The following HTD2 variants were observed in gnomAD, a reference collection of about 807,000 sequenced individuals.
HTD2 encodes hydroxyacyl-thioester dehydratase type 2.
In HTD2, 1 loss-of-function variant was observed where a neutral mutation model predicts 3.1. The observed-to-expected ratio is 0.32, with a 90% CI of 0.11 to 1.52. The LOEUF (loss-of-function observed/expected upper bound fraction) is 1.52, where lower values mean the gene tolerates loss of function less well. Ranked by LOEUF, HTD2 falls within the 40% of genes most tolerant of loss-of-function variation. The probability of loss-of-function intolerance (pLI) is 0.39; values close to 1 mark genes in which losing one functional copy is unlikely to be tolerated. For synonymous variants in HTD2, 50 were observed against 28.9 expected (o/e 1.73, Z -2.34); for missense variants, 150 against 79.6 (o/e 1.88, Z -3.36).
At chr3:58,316,336 G>A (rs975035589) in intron 2 of HTD2, among the ~76,000 whole-genome samples, 179 bp from the exon 3 acceptor site, 1 of 152,240 alleles carries the variant, frequency 6.6e-6, no homozygotes, top group Non-Finnish European at 1.5e-5. Flanking sequence ...ATGAAGAGGT[G>A]TAGGCAGAAC....
intron 1 of HTD2, among the ~76,000 whole-genome samples, chr3:58,306,859 G>A (rs2097475618): frequency 6.6e-6 from 1 of 152,164 alleles, no homozygotes; most frequent in Non-Finnish European, 1.5e-5. Context: ...GGGGTGGGGA[G>A]GGGAAGTACA....
chr3:58,309,027 C>T (rs139845307), intron 1 of HTD2, among the ~76,000 whole-genome samples: 2 of 152,330 alleles, frequency 1.3e-5, no homozygotes, highest in Non-Finnish European at 2.9e-5. Flanking sequence ...TTCCAGGAAT[C>T]CCTCTTCTCA....
At chr3:58,309,142 C>A (rs891891584) in intron 1 of HTD2, among the ~76,000 whole-genome samples, 3 of 152,208 alleles carry the variant, frequency 2.0e-5, no homozygotes, top group African/African-American at 7.2e-5. Flanking sequence ...GGCAGAACGA[C>A]CATCCCTCAT....
chr3:58,312,075 G>A (rs144272552), intron 2 of HTD2, among the ~76,000 whole-genome samples: 3 of 151,830 alleles, frequency 2.0e-5, no homozygotes, highest in African/African-American at 7.2e-5. Context: ...ATGTTGCCCA[G>A]GCTCCTGGAC....
rs2097492997 is a variant in HTD2, at chr3:58,320,135, A to G, written c.*2015A>G. The G allele has an allele frequency of 6.6e-6, 1 of 152,146 alleles. No homozygotes were observed. The highest frequency in any genetic ancestry group is 2.4e-5 in the African/African-American group (1 of 41,428). The allele number at this position is 152,146 out of a possible 1,614,324, so 9.4% of individuals were successfully genotyped here. A position where few individuals can be genotyped will look rare whatever the true frequency, so the allele number is the denominator to read the frequency against. On this transcript the variant is annotated 3_prime_UTR_variant, in exon 5 of 5. Transcript: ENST00000461393. ...TTTCAGGGTTCATCCATGTTACAGC[A>G]TGTATCAGTACATCATTTTATTTTA...
intron 1 of HTD2, among the ~76,000 whole-genome samples, chr3:58,309,749 G>A (rs554181045): frequency 2.6e-5 from 4 of 152,130 alleles, no homozygotes; most frequent in East Asian, 1.9e-4. Flanking sequence ...AAAGGTAGCC[G>A]GGCGTGGTAG....
rs1045927264 is a variant in HTD2, at chr3:58,310,376, C to T, written c.-415-131C>T. On this transcript the variant is annotated intron_variant, in intron 1 of 4. Transcript: ENST00000461393. The stretch of plus-strand genomic sequence containing the variant: ...TATGAAAGAGTAGTTTACAAAAACC[C>T]TTCCGAGTACCACTACATGAAAGTC... 7.4e-6 allele frequency: 12 copies of T among 1,614,044 alleles called. No individual in the cohort carries two copies. The Admixed American group carries it at 1.2e-4, about 16-fold the overall frequency.
In HTD2 at chr3:58,319,353, G is replaced by A. The variant is rs2097492033; in HGVS notation, c.*1233G>A. The A allele has an allele frequency of 6.6e-6, 1 of 152,190 alleles. No homozygotes were observed. Among genetic ancestry groups the A allele is most frequent in the Admixed American group, 6.5e-5 (1 of 15,272 alleles). 9.4% of individuals were successfully genotyped at this position (152,190 alleles called of 1,614,324 possible). On this transcript the variant is annotated 3_prime_UTR_variant, in exon 5 of 5. Transcript: ENST00000461393. ...GTAAAATAGTGGTAGCACATGCCAT[G>A]TGGGATAGTTGGTGGAGATGATAGA... is the stretch of plus-strand genomic sequence containing the variant.
intron 2 of HTD2, among the ~76,000 whole-genome samples, chr3:58,311,562 TGCAA>T (rs2097482260): frequency 6.6e-6 from 1 of 152,246 alleles, no homozygotes; most frequent in Non-Finnish European, 1.5e-5. Flanking sequence ...TTCATGATGC[TGCAA>T]ATGACAGAAT....
chr3:58,313,876 A>G (rs1471193926), intron 2 of HTD2, among the ~76,000 whole-genome samples: 1 of 152,014 alleles, frequency 6.6e-6, no homozygotes, highest in Non-Finnish European at 1.5e-5. Flanking sequence ...ACAAAGGACT[A>G]TAGTGTCTAG....
intron 1 of HTD2, among the ~76,000 whole-genome samples, chr3:58,307,476 C>G (rs918123461): frequency 7.9e-5 from 12 of 152,206 alleles, no homozygotes; most frequent in Admixed American, 6.5e-4. Flanking sequence ...GTAATCCCAG[C>G]ACTTTGAGGG....
intron 2 of HTD2, among the ~76,000 whole-genome samples, chr3:58,311,472 C>T (rs748505753): frequency 1.3e-5 from 2 of 152,112 alleles, no homozygotes; most frequent in African/African-American, 4.8e-5. Context: ...TTTTTTAGCT[C>T]TCACATATGA....
At chr3:58,317,368 G>A in intron 4 of HTD2, 72 bp from the exon 5 acceptor site, 1 of 983,632 alleles carries the variant, frequency 1.0e-6, no homozygotes, top group Non-Finnish European at 1.6e-6. Flanking sequence ...GTAAAACTGG[G>A]CATGTTTCCC....
At position 58,318,166 on chromosome 3, in the gene HTD2, A is replaced by G; in HGVS notation, c.*46A>G. On this transcript the variant is annotated 3_prime_UTR_variant, in exon 5 of 5. Coordinates refer to ENST00000461393, the MANE Select transcript of HTD2 (RefSeq NM_001348712.2). ...AACCTCAAACACCAATGCTGTTGTT[A>G]AAGAGCCTATGGGGAATTGCTGCTC... 1 of 612,544 alleles carries G rather than the reference A, an allele frequency of 1.6e-6. No homozygotes were observed. Among genetic ancestry groups the G allele is most frequent in the Non-Finnish European group, 2.9e-6 (1 of 346,236 alleles). The allele number at this position is 612,544 out of a possible 1,614,324, so 37.9% of individuals were successfully genotyped here.
At chr3:58,307,152 G>A (rs896584933) in intron 1 of HTD2, among the ~76,000 whole-genome samples, 3 of 152,238 alleles carry the variant, frequency 2.0e-5, no homozygotes, top group African/African-American at 7.2e-5. Flanking sequence ...GTGGTGGCGG[G>A]GATTGAGCGG....
In HTD2 at chr3:58,319,005, AAG is replaced by A. The variant is rs2097491551; in HGVS notation, c.*887_*888del. On this transcript the variant is annotated 3_prime_UTR_variant, in exon 5 of 5. Coordinates refer to ENST00000461393, the MANE Select transcript of HTD2 (RefSeq NM_001348712.2). ...AAAACTCCACCTCAAAAAAAAAAAAAAGATTCTACTTTTAGAAATTCAGACCT... is the reference window on the plus strand; with the variant it reads ...AAAACTCCACCTCAAAAAAAAAAAAAATTCTACTTTTAGAAATTCAGACCT... The A allele has an allele frequency of 6.6e-6, 1 of 152,160 alleles. No homozygotes were observed. The highest frequency in any genetic ancestry group is 2.4e-5 in the African/African-American group (1 of 41,438). The allele number at this position is 152,160 out of a possible 1,614,324, so 9.4% of individuals were successfully genotyped here. A position where few individuals can be genotyped will look rare whatever the true frequency, so the allele number is the denominator to read the frequency against.
rs1205699323 is a variant in HTD2, at chr3:58,319,782, CTT to C, written c.*1665_*1666del. The C allele has an allele frequency of 3.3e-5, 5 of 152,026 alleles. No individual in the cohort carries two copies. Among genetic ancestry groups the C allele is most frequent in the South Asian group, 4.2e-4 (2 of 4,818 alleles). 9.4% of individuals were successfully genotyped at this position (152,026 alleles called of 1,614,324 possible). On this transcript the variant is annotated 3_prime_UTR_variant, in exon 5 of 5. Coordinates refer to ENST00000461393, the MANE Select transcript of HTD2 (RefSeq NM_001348712.2). ...AATGGCCATCCCAACACAGCCAACA[CTT>C]TTGTTTCCCATTTTTTTTTGTTTCC...
chr3:58,314,297 G>T (rs1177377673), intron 2 of HTD2, among the ~76,000 whole-genome samples: 1 of 152,172 alleles, frequency 6.6e-6, no homozygotes, highest in Non-Finnish European at 1.5e-5. Flanking sequence ...GTTGCAGTGA[G>T]CTGAGATCAC....
intron 4 of HTD2, among the ~76,000 whole-genome samples, 184 bp downstream of exon 4, chr3:58,317,177 A>G (rs927598648): frequency 6.6e-6 from 1 of 152,240 alleles, no homozygotes; most frequent in African/African-American, 2.4e-5. Flanking sequence ...TTTAAAATCT[A>G]TGGGAGATGT....
Sources: gnomAD v4.1 joint callset for allele counts (sites outside exome capture counted in the v4.1 genomes callset) on GRCh38, gnomAD v4.1.1 for gene constraint, MANE v1.5 for transcripts, NCBI Gene and HGNC (gene_info 2026-07-23, HGNC 2026-07-21) for gene names.